Variants in C8A observed in about 807,000 individuals in gnomAD.
C8A encodes the protein complement component C8 alpha chain.
In C8A, 67 loss-of-function variants were observed where a neutral mutation model predicts 65.3. The ratio of observed to expected loss-of-function variants is 1.03; its 90% CI spans 0.84 to 1.26. The LOEUF (loss-of-function observed/expected upper bound fraction) is 1.26. C8A is among the 50% of genes most tolerant of loss of function. C8A has a pLI of 0.00. For synonymous variants in C8A, 290 were observed against 259.4 expected, an observed-to-expected ratio of 1.12 and a Z score of -1.13; for missense variants, 781 against 723.9, an observed-to-expected ratio of 1.08 and a Z score of -0.90.
rs1428532394 is a variant in C8A at position 56,874,998 on chromosome 1, G to A, written c.221G>A (p.Cys74Tyr). The change falls in exon 3 of 11, where the codon TGC becomes TAC. Residue 74 changes from cysteine to tyrosine, a missense_variant. By Grantham distance (194) the Cys-to-Tyr change is radical. Transcript: ENST00000361249. ...LQPNKFGGTI[C>Y]SGDIWDQASC... ...CCAAACAAGTTTGGGGGAACCATCT[G>A]CAGTGGTGACATCTGGGATCAAGCC... 3.1e-6 allele frequency: 5 copies of A among 1,613,782 alleles called. No homozygotes were observed. The highest frequency in any genetic ancestry group is 3.4e-6 in the Non-Finnish European group (4 of 1,179,826).
chr1:56,886,569 C>G (rs1644302108), intron 7 of C8A, among the ~76,000 whole-genome samples: 1 of 152,130 alleles, frequency 6.6e-6, no homozygotes, highest in South Asian at 2.1e-4. Context: ...TCCTCCTTCT[C>G]CTTCACTCCG....
intron 4 of C8A, 63 bp from the exon 5 acceptor site, chr1:56,881,382 C>G: frequency 1.3e-6 from 2 of 1,528,798 alleles, no homozygotes; most frequent in Admixed American, 3.3e-5. Context: ...ACAGATCATC[C>G]CATCACCCAG....
chr1:56,886,093 A>C lies in C8A; in HGVS notation c.1022A>C (p.Tyr341Ser). The change falls in exon 7 of 11, where the codon TAC becomes TCC. Residue 341 changes from tyrosine to serine, a missense_variant. Transcript: ENST00000361249. ...AKFINDYGTH[Y>S]ITSGSMGGIY... ...TTCATCAATGACTATGGCACCCATTACATCACATCTGGATCCATGGGTGGC... is the reference window on the plus strand; with the variant it reads ...TTCATCAATGACTATGGCACCCATTCCATCACATCTGGATCCATGGGTGGC... 1 of 1,613,976 alleles carries C rather than the reference A, an allele frequency of 6.2e-7. No homozygotes were observed. The highest frequency in any genetic ancestry group is 8.5e-7 in the Non-Finnish European group (1 of 1,179,882).
chr1:56,912,325 G>T, intron 9 of C8A, 78 bp from the exon 10 acceptor site: 1 of 1,377,742 alleles, frequency 7.3e-7, no homozygotes, highest in Non-Finnish European at 1.0e-6. Flanking sequence ...CCTTCCAGAA[G>T]CTTGGTGGCC....
At chr1:56,883,304 G>A (rs963198614) in intron 5 of C8A, among the ~76,000 whole-genome samples, 177 bp from the exon 6 acceptor site, 2 of 151,998 alleles carry the variant, frequency 1.3e-5, no homozygotes, top group Non-Finnish European at 2.9e-5. Context: ...CACTAACAAT[G>A]CTGTGTTTTC....
At chr1:56,909,963 T>C (rs771228910) in intron 9 of C8A, among the ~76,000 whole-genome samples, 12 of 152,140 alleles carry the variant, frequency 7.9e-5, no homozygotes, top group Non-Finnish European at 8.8e-5. Flanking sequence ...CCCTGAGAAG[T>C]TCGGACTCAA....
chr1:56,879,715 G>C (rs1013493873), intron 4 of C8A, among the ~76,000 whole-genome samples: 12 of 152,182 alleles, frequency 7.9e-5, no homozygotes, highest in African/African-American at 2.9e-4. Flanking sequence ...GTCTAGTAGA[G>C]TATGTATTCA....
chr1:56,883,728 C>A, intron 6 of C8A, 47 bp downstream of exon 6: 1 of 1,480,042 alleles, frequency 6.8e-7, no homozygotes, highest in Non-Finnish European at 9.4e-7. Flanking sequence ...ATAATATACA[C>A]TGAACACGTA....
Position 56,869,804 on chromosome 1 carries a change from G to A in C8A, c.171+2102G>A, listed in dbSNP as rs956030187. ...GTGCTTTCCTCTTCATTCTCAGTCC[G>A]ATTGCCTTGAATTAATCCCTGCTTT... On this transcript the variant is annotated intron_variant, in intron 2 of 10. Coordinates refer to ENST00000361249, the MANE Select transcript of C8A (RefSeq NM_000562.3). Among the ~76,000 whole-genome samples, 6 of 152,086 alleles carry A rather than the reference G, an allele frequency of 3.9e-5. No homozygotes were observed. The East Asian group carries it at 5.8e-4, about 15-fold the overall frequency.
intron 1 of C8A, among the ~76,000 whole-genome samples, chr1:56,866,784 T>A (rs1322670425): frequency 6.6e-6 from 1 of 152,108 alleles, no homozygotes; most frequent in Non-Finnish European, 1.5e-5. Context: ...TTTCCCTGAG[T>A]AGGCATTTTA....
In C8A at chr1:56,886,016, G is replaced by C; in HGVS notation, c.945G>C (p.Leu315=). ...KDDIMLDEGM[L]QSLMELPDQY... ...ACATTATGCTGGATGAAGGAATGCT[G>C]CAGTCATTAATGGAGCTTCCAGATC... is the stretch of plus-strand genomic sequence containing the variant. Residue 315 remains leucine (L), a synonymous_variant, in exon 7 of 11, where the codon CTG becomes CTC. Transcript: ENST00000361249. The C allele has an allele frequency of 1.2e-6, 2 of 1,614,060 alleles. No homozygotes were observed. The highest frequency in any genetic ancestry group is 1.7e-6 in the Non-Finnish European group (2 of 1,179,932).
chr1:56,904,900 C>T (rs1644452346), intron 7 of C8A, among the ~76,000 whole-genome samples: 1 of 152,158 alleles, frequency 6.6e-6, no homozygotes, highest in Non-Finnish European at 1.5e-5. Context: ...CCAGATCTTT[C>T]ATGAGCATAA....
intron 4 of C8A, among the ~76,000 whole-genome samples, chr1:56,877,094 T>C (rs1272628834): frequency 6.6e-6 from 1 of 152,142 alleles, no homozygotes; most frequent in Non-Finnish European, 1.5e-5. Context: ...CACACATGCA[T>C]AGCCAATGAG....
At chr1:56,895,438 TTGGTGA>T (rs1238639673) in intron 7 of C8A, among the ~76,000 whole-genome samples, 1 of 152,158 alleles carries the variant, frequency 6.6e-6, no homozygotes, top group Non-Finnish European at 1.5e-5. Context: ...TAGCTATTAC[TTGGTGA>T]AGTCAAACTC....
rs138028632 is a variant in C8A at position 56,869,475 on chromosome 1, A to G, written c.171+1773A>G. Among the ~76,000 whole-genome samples, 360 of 152,324 alleles carry G rather than the reference A, an allele frequency of 2.4e-3. 1 individual carries two copies. The highest frequency in any genetic ancestry group is 7.9e-3 in the African/African-American group (329 of 41,576). On this transcript the variant is annotated intron_variant, in intron 2 of 10. Coordinates refer to ENST00000361249, the MANE Select transcript of C8A (RefSeq NM_000562.3). ...TTGCAATTGTGAATTGTGCTGCTAT[A>G]AACATGTATTACAGTCTCTTTTGTA...
chr1:56,890,831 C>T (rs572341905), intron 7 of C8A, among the ~76,000 whole-genome samples: 38 of 152,172 alleles, frequency 2.5e-4, no homozygotes, highest in South Asian at 6.2e-4. Context: ...CCTTTCCTGA[C>T]CATGTAGTCA....
At position 56,885,959 on chromosome 1, in the gene C8A, G is replaced by T. The variant is rs772254769; in HGVS notation, c.888G>T (p.Val296=). The T allele has an allele frequency of 6.2e-6, 10 of 1,613,972 alleles. No homozygotes were observed. In the South Asian group the frequency reaches 1.1e-4, roughly 18 times the overall value. ...KFIFTRIFTK[V]QTAHFKMRKD... is the part of the protein sequence containing the mutation. ...TTTTCACAAGAATCTTCACAAAGGT[G>T]CAGACTGCACATTTTAAGATGAGGA... The change falls in exon 7 of 11, where the codon GTG becomes GTT. Residue 296 remains valine, a synonymous_variant. Coordinates refer to ENST00000361249, the MANE Select transcript of C8A (RefSeq NM_000562.3).
chr1:56,914,864 G>A (rs1644538670), intron 10 of C8A, among the ~76,000 whole-genome samples: 1 of 152,054 alleles, frequency 6.6e-6, no homozygotes, highest in African/African-American at 2.4e-5. Context: ...TTTTACTGGA[G>A]ATGGGTTTTC....
intron 10 of C8A, among the ~76,000 whole-genome samples, chr1:56,913,269 A>G (rs1005362751): frequency 2.6e-5 from 4 of 152,244 alleles, no homozygotes; most frequent in African/African-American, 9.6e-5. Context: ...AAATAAGGTC[A>G]TGTTCACAGG....
Sources: allele counts gnomAD v4.1 joint callset (sites outside exome capture counted in the v4.1 genomes callset), GRCh38; gene constraint gnomAD v4.1.1; transcripts MANE v1.5; gene names NCBI Gene and HGNC (gene_info 2026-07-23, HGNC 2026-07-21).